TMCO5A: variants seen among roughly 807,000 people sequenced by gnomAD.
TMCO5A encodes the protein transmembrane and coiled-coil domains 5A.
In TMCO5A, 34 loss-of-function variants were observed where a neutral mutation model predicts 42.3. The observed-to-expected ratio is 0.80, with a 90% CI of 0.61 to 1.07. The LOEUF is 1.07. Among genes scored for constraint, TMCO5A ranks in the 50% least tolerant of loss-of-function variants. TMCO5A has a pLI of 0.00. For synonymous variants in TMCO5A, 131 were observed against 115.6 expected, an observed-to-expected ratio of 1.13 and a Z score of -0.86; for missense variants, 357 against 327.9, an observed-to-expected ratio of 1.09 and a Z score of -0.69.
At chr15:37,986,424 T>TGTGTGTGTGTG in the TMCO5A span, among the ~76,000 whole-genome samples, 10 of 149,036 alleles carry the variant, frequency 6.7e-5, no homozygotes, top group East Asian at 1.9e-4. Flanking sequence ...TGTGTGTGTG[T>TGTGTGTGTGTG]TTAAATCAAG....
the TMCO5A span, among the ~76,000 whole-genome samples, chr15:38,032,078 C>G: frequency 6.6e-6 from 1 of 152,070 alleles, no homozygotes; most frequent in Admixed American, 6.6e-5. Context: ...GCCTCAGCTT[C>G]CCGAGTAGCT....
the TMCO5A span, among the ~76,000 whole-genome samples, chr15:38,029,349 CAT>C: frequency 0.74 from 110,778 of 150,052 alleles, 42,501 homozygotes; most frequent in East Asian, 0.95. Flanking sequence ...TTCACACAAA[CAT>C]GTGTGCATGA....
chr15:37,976,771 T>C, the TMCO5A span, among the ~76,000 whole-genome samples: 1 of 150,996 alleles, frequency 6.6e-6, no homozygotes, highest in Admixed American at 6.6e-5. Flanking sequence ...TTGGTTTCTT[T>C]CTTTCTTTCT....
chr15:37,987,603 C>G, the TMCO5A span, among the ~76,000 whole-genome samples: 4 of 151,928 alleles, frequency 2.6e-5, no homozygotes, highest in Admixed American at 6.6e-5. Flanking sequence ...TTACCCAGGA[C>G]TGTATGGTGA....
chr15:38,019,562 C>A, the TMCO5A span, among the ~76,000 whole-genome samples: 1 of 152,222 alleles, frequency 6.6e-6, no homozygotes, highest in East Asian at 1.9e-4. Context: ...CATTCACAAC[C>A]TCCCCCACTG....
chr15:37,958,448 T>G (rs1440348696), intron 11 of TMCO5A, among the ~76,000 whole-genome samples: 2 of 152,258 alleles, frequency 1.3e-5, no homozygotes, highest in Non-Finnish European at 2.9e-5. Context: ...GACAGACACT[T>G]TCCAAAAGAA....
At chr15:38,025,580 T>G in the TMCO5A span, among the ~76,000 whole-genome samples, 1,064 of 152,342 alleles carry the variant, frequency 7.0e-3, 6 homozygotes, top group Middle Eastern at 0.017. Context: ...TATGTATTTT[T>G]TAAAATCAGA....
At chr15:37,996,945 C>T in the TMCO5A span, among the ~76,000 whole-genome samples, 1 of 152,208 alleles carries the variant, frequency 6.6e-6, no homozygotes, top group Non-Finnish European at 1.5e-5. Context: ...ATTTCTATAA[C>T]TTCTATCTTA....
At chr15:37,963,283 AT>A (rs1208689507) in intron 11 of TMCO5A, among the ~76,000 whole-genome samples, 2 of 151,850 alleles carry the variant, frequency 1.3e-5, no homozygotes, top group East Asian at 3.9e-4. Context: ...GAATTTTTTA[AT>A]TTCCATCTTC....
the TMCO5A span, among the ~76,000 whole-genome samples, chr15:37,987,227 A>G: frequency 2.6e-5 from 4 of 151,940 alleles, no homozygotes; most frequent in Non-Finnish European, 5.9e-5. Context: ...TGTCTATTCA[A>G]GTCATTCACC....
chr15:37,944,317 A>C (rs1889858543), intron 10 of TMCO5A: 1 of 152,040 alleles, frequency 6.6e-6, no homozygotes, highest in African/African-American at 2.4e-5. Flanking sequence ...CTGTAGAACC[A>C]AGTTTTTGAC....
the TMCO5A span, among the ~76,000 whole-genome samples, chr15:38,022,671 A>T: frequency 6.6e-6 from 1 of 152,272 alleles, no homozygotes; most frequent in African/African-American, 2.4e-5. Context: ...GGTGATAATG[A>T]TGTGTCAATG....
At chr15:38,039,306 G>A in the TMCO5A span, among the ~76,000 whole-genome samples, 1 of 152,176 alleles carries the variant, frequency 6.6e-6, no homozygotes, top group Non-Finnish European at 1.5e-5. Flanking sequence ...AAGTGTAAGA[G>A]AAAACGAATG....
chr15:37,987,399 T>A, the TMCO5A span, among the ~76,000 whole-genome samples: 1 of 152,022 alleles, frequency 6.6e-6, no homozygotes, highest in African/African-American at 2.4e-5. Context: ...TTTATGAAGA[T>A]CAATTTGTTG....
the TMCO5A span, among the ~76,000 whole-genome samples, chr15:38,029,907 G>A: frequency 6.6e-6 from 1 of 152,228 alleles, no homozygotes; most frequent in Admixed American, 6.5e-5. Flanking sequence ...CAGCAAACTT[G>A]CTGTTGCACA....
At chr15:37,935,896 GC>G (rs1027846266) in intron 2 of TMCO5A, 2 of 152,556 alleles carry the variant, frequency 1.3e-5, no homozygotes, top group Admixed American at 1.3e-4. Context: ...AGAAAGCCAG[GC>G]CCAACCAGAA....
At chr15:38,036,693 T>A in the TMCO5A span, among the ~76,000 whole-genome samples, 1 of 152,266 alleles carries the variant, frequency 6.6e-6, no homozygotes, top group African/African-American at 2.4e-5. Context: ...TCCTCATGGA[T>A]CCGTCAAGAC....
chr15:37,946,679 T>C (rs756979168), intron 10 of TMCO5A, among the ~76,000 whole-genome samples: 1 of 152,122 alleles, frequency 6.6e-6, no homozygotes, highest in Non-Finnish European at 1.5e-5. Context: ...TGTTGGTGTA[T>C]AGGAATGCTG....
chr15:38,014,823 C>T, the TMCO5A span, among the ~76,000 whole-genome samples: 5 of 133,282 alleles, frequency 3.8e-5, no homozygotes, highest in East Asian at 1.1e-3. Context: ...TCAAGGTTCT[C>T]TTAGAGGAAC....
Sources: allele counts gnomAD v4.1 joint callset (sites outside exome capture counted in the v4.1 genomes callset), GRCh38; gene constraint gnomAD v4.1.1; transcripts MANE v1.5; gene names NCBI Gene and HGNC (gene_info 2026-07-23, HGNC 2026-07-21).